DPP10: variants seen among roughly 807,000 people sequenced by gnomAD.
DPP10 encodes inactive dipeptidyl peptidase 10.
DPP10 carries 33 observed loss-of-function variants against 120.9 expected under a neutral mutation model. That is an observed-to-expected ratio of 0.27 (90% confidence interval 0.21 to 0.37). The LOEUF (loss-of-function observed/expected upper bound fraction) is 0.37. Ranked by LOEUF, DPP10 falls within the 10% of genes least tolerant of loss-of-function variation. The probability of loss-of-function intolerance (pLI) is 1.00; values close to 1 mark genes in which losing one functional copy is unlikely to be tolerated. For missense variants in DPP10, 816 were observed against 942.8 expected (o/e 0.87, Z 1.76); for synonymous variants, 337 against 326.1 (o/e 1.03, Z -0.36).
intron 1 of DPP10, among the ~76,000 whole-genome samples, chr2:115,103,262 A>G (rs964586815): frequency 7.1e-6 from 1 of 140,832 alleles, no homozygotes; most frequent in African/African-American, 2.7e-5. Flanking sequence ...ATCTCGGCTC[A>G]CTGCAAGCTC....
chr2:114,454,882 G>A (rs1678478902), intron 1 of DPP10, among the ~76,000 whole-genome samples: 1 of 152,082 alleles, frequency 6.6e-6, no homozygotes, highest in South Asian at 2.1e-4. Context: ...GCTCCTGGAA[G>A]CCAAGGCAGC....
At chr2:114,618,785 T>A (rs1693863578) in intron 1 of DPP10, among the ~76,000 whole-genome samples, 1 of 152,022 alleles carries the variant, frequency 6.6e-6, no homozygotes, top group Non-Finnish European at 1.5e-5. Flanking sequence ...TCAGATGTCA[T>A]CAGTATAAAA....
At chr2:115,228,747 A>G (rs2057577599) in intron 1 of DPP10, among the ~76,000 whole-genome samples, 2 of 152,128 alleles carry the variant, frequency 1.3e-5, no homozygotes, top group African/African-American at 4.8e-5. Context: ...CATTGTGTAT[A>G]AGTACAACAA....
At chr2:114,862,895 CA>C (rs759224817) in intron 1 of DPP10, among the ~76,000 whole-genome samples, 78 of 39,504 alleles carry the variant, frequency 2.0e-3, no homozygotes, top group East Asian at 2.5e-3. Flanking sequence ...ATTTTAGGAC[CA>C]AAAAAAAAAA....
At position 115,342,646 on chromosome 2, in the gene DPP10, A is replaced by G. The variant is rs564637468; in HGVS notation, c.176-1171A>G. 2.6e-5 allele frequency among the ~76,000 whole-genome samples: 4 copies of G among 152,316 alleles called. No individual in the cohort carries two copies. In the East Asian group the frequency reaches 7.7e-4, roughly 29 times the overall value. ...ATGAAACTAGAAAATTTGTGAATGA[A>G]TTAAGAAATTCTGGTGTGTCAGACT... On this transcript the variant is annotated intron_variant, in intron 2 of 25. Transcript: ENST00000410059.
chr2:114,946,465 G>A (rs1697353535), intron 1 of DPP10, among the ~76,000 whole-genome samples: 1 of 151,992 alleles, frequency 6.6e-6, no homozygotes, highest in Non-Finnish European at 1.5e-5. Context: ...AGTTAAGATG[G>A]TAAATTTTCT....
chr2:115,389,873 T>C (rs1024840155), intron 3 of DPP10, among the ~76,000 whole-genome samples: 2 of 152,314 alleles, frequency 1.3e-5, no homozygotes, highest in Non-Finnish European at 2.9e-5. Context: ...TAATTATTAA[T>C]TCATTATTTA....
chr2:114,689,744 G>C (rs781334351), intron 1 of DPP10, among the ~76,000 whole-genome samples: 1 of 151,820 alleles, frequency 6.6e-6, no homozygotes, highest in Non-Finnish European at 1.5e-5. Context: ...ACTAGCATTT[G>C]TTGTTTTTTT....
chr2:115,514,083 C>T (rs1253058906), intron 4 of DPP10, among the ~76,000 whole-genome samples: 1 of 151,874 alleles, frequency 6.6e-6, no homozygotes, highest in Non-Finnish European at 1.5e-5. Flanking sequence ...AGACGTCAAC[C>T]TAAATCTCTT....
At chr2:115,775,557 AT>A (rs1349923687) in intron 13 of DPP10, among the ~76,000 whole-genome samples, 1 of 152,116 alleles carries the variant, frequency 6.6e-6, no homozygotes, top group African/African-American at 2.4e-5. Flanking sequence ...GTGATGTAGG[AT>A]TTTCCACATC....
chr2:115,244,267 G>T (rs1454287862), intron 1 of DPP10, among the ~76,000 whole-genome samples: 1 of 144,534 alleles, frequency 6.9e-6, no homozygotes, highest in Non-Finnish European at 1.5e-5. Flanking sequence ...GAGAGAGAGA[G>T]AGAGAGAGAG....
intron 1 of DPP10, among the ~76,000 whole-genome samples, chr2:114,645,613 G>A (rs764440363): frequency 6.6e-6 from 1 of 152,104 alleles, no homozygotes; most frequent in Non-Finnish European, 1.5e-5. Context: ...TTGTTTCTGA[G>A]TGTAGTATCC....
At chr2:114,482,982 T>C (rs1215877733) in intron 1 of DPP10, among the ~76,000 whole-genome samples, 1 of 152,186 alleles carries the variant, frequency 6.6e-6, no homozygotes, top group Non-Finnish European at 1.5e-5. Flanking sequence ...ACTTAGCAAG[T>C]GTAAACAAGT....
At chr2:115,600,717 A>G (rs935503432) in intron 5 of DPP10, among the ~76,000 whole-genome samples, 1 of 152,234 alleles carries the variant, frequency 6.6e-6, no homozygotes, top group Non-Finnish European at 1.5e-5. Flanking sequence ...TTTTATATCA[A>G]TGAGATTGCA....
At chr2:114,798,796 T>C (rs1468054526) in intron 1 of DPP10, among the ~76,000 whole-genome samples, 1 of 152,204 alleles carries the variant, frequency 6.6e-6, no homozygotes, top group Admixed American at 6.5e-5. Flanking sequence ...CACTTTTCCA[T>C]TTTTGTGTTA....
chr2:115,274,775 A>T (rs577008815), intron 1 of DPP10, among the ~76,000 whole-genome samples: 1 of 152,366 alleles, frequency 6.6e-6, no homozygotes, highest in South Asian at 2.1e-4. Context: ...CATAACCTTT[A>T]TGCAATTTAT....
rs2071300553 is a variant in DPP10 at position 115,434,528 on chromosome 2, TA to T, written c.272-64974del. 2.0e-5 allele frequency among the ~76,000 whole-genome samples: 3 copies of T among 151,820 alleles called. No homozygotes were observed. In the South Asian group the frequency reaches 6.2e-4, roughly 32 times the overall value. On this transcript the variant is annotated intron_variant, in intron 3 of 25. Coordinates refer to ENST00000410059, the MANE Select transcript of DPP10 (RefSeq NM_020868.6). ...GAAGCACTGACAAACTCTTCTTTTTTAAAAAAAATAATTTTCATTTTTTTGC... is the reference window on the plus strand; with the variant it reads ...GAAGCACTGACAAACTCTTCTTTTTTAAAAAAATAATTTTCATTTTTTTGC...
rs1368893670 is a variant in DPP10 at position 114,493,552 on chromosome 2, A to G, written c.60+50714A>G. 2.6e-5 allele frequency among the ~76,000 whole-genome samples: 4 copies of G among 151,892 alleles called. No individual in the cohort carries two copies. In the East Asian group the frequency reaches 7.7e-4, roughly 29 times the overall value. ...CTCAACCAACAAGTTCAGAAATCTC[A>G]TGTAGGACGTGGTGAGGTTTATCAA... On this transcript the variant is annotated intron_variant, in intron 1 of 25. Coordinates refer to ENST00000410059, the MANE Select transcript of DPP10 (RefSeq NM_020868.6).
chr2:114,525,451 A>G (rs745438382), intron 1 of DPP10, among the ~76,000 whole-genome samples: 6 of 152,200 alleles, frequency 3.9e-5, no homozygotes, highest in Non-Finnish European at 8.8e-5. Context: ...ATCTACTATT[A>G]TTGGATGCTA....
Sources: gnomAD v4.1 joint callset for allele counts (sites outside exome capture counted in the v4.1 genomes callset) on GRCh38, gnomAD v4.1.1 for gene constraint, MANE v1.5 for transcripts, NCBI Gene and HGNC (gene_info 2026-07-23, HGNC 2026-07-21) for gene names.